The following TBL1XR1 variants were observed in gnomAD, a reference collection of about 807,000 sequenced individuals.
The protein encoded by TBL1XR1 is F-box-like/WD repeat-containing protein TBL1XR1.
In TBL1XR1, 5 loss-of-function variants were observed where a neutral mutation model predicts 66.9. The ratio of observed to expected loss-of-function variants is 0.07; its 90% CI spans 0.04 to 0.16. The LOEUF is 0.16. Among genes scored for constraint, TBL1XR1 ranks in the 10% least tolerant of loss-of-function variants. TBL1XR1 has a pLI of 1.00. For synonymous variants in TBL1XR1, 210 were observed against 206.0 expected (o/e 1.02, Z -0.17); for missense variants, 238 against 623.2 (o/e 0.38, Z 6.58).
rs529302239 is a variant in TBL1XR1 at position 177,051,660 on chromosome 3, C to T, written c.271G>A (p.Val91Ile). ...LSLIDAVMPD[V>I]VQTRQQAYRD... The stretch of plus-strand genomic sequence containing the variant: ...TAAGCTTGTTGTCTTGTTTGTACTA[C>T]ATCAGGCATTACGGCATCTATCAGG... Residue 91 changes from valine to isoleucine, a missense_variant, in exon 5 of 16, where the codon GTA becomes ATA. Transcript: ENST00000457928. 6.2e-7 allele frequency: 1 copy of T among 1,613,306 alleles called. No individual in the cohort carries two copies. The highest frequency in any genetic ancestry group is 2.2e-5 in the East Asian group (1 of 44,816).
At chr3:177,085,279 C>G (rs1219074659) in intron 2 of TBL1XR1, among the ~76,000 whole-genome samples, 3 of 152,154 alleles carry the variant, frequency 2.0e-5, no homozygotes, top group East Asian at 3.8e-4. Context: ...CATACTAACT[C>G]CTGAGAGGCT....
intron 2 of TBL1XR1, among the ~76,000 whole-genome samples, chr3:177,067,252 T>C (rs1420361028): frequency 6.6e-6 from 1 of 152,226 alleles, no homozygotes; most frequent in Non-Finnish European, 1.5e-5. Context: ...AATATGTTTG[T>C]CACGGGGAAC....
chr3:177,110,095 C>A (rs1725374747), intron 1 of TBL1XR1, among the ~76,000 whole-genome samples: 1 of 152,136 alleles, frequency 6.6e-6, no homozygotes, highest in South Asian at 2.1e-4. Context: ...TCCTAGGAGA[C>A]CTATCAGGCA....
intron 1 of TBL1XR1, among the ~76,000 whole-genome samples, chr3:177,167,740 G>A (rs1732994672): frequency 6.6e-6 from 1 of 152,142 alleles, no homozygotes; most frequent in African/African-American, 2.4e-5. Context: ...AGACCAGCCT[G>A]ACTAACATGG....
intron 7 of TBL1XR1, among the ~76,000 whole-genome samples, chr3:177,049,223 G>T (rs553086477): frequency 6.6e-6 from 1 of 152,096 alleles, no homozygotes; most frequent in African/African-American, 2.4e-5. Context: ...GTCCACAAAG[G>T]GTTGTTAAAC....
At chr3:177,069,856 A>AAGGAAGGAAGGAAGGAAG (rs1486024858) in intron 2 of TBL1XR1, among the ~76,000 whole-genome samples, 5 of 115,178 alleles carry the variant, frequency 4.3e-5, no homozygotes, top group African/African-American at 6.7e-5. Context: ...AAGGAAGGAA[A>AAGGAAGGAAGGAAGGAAG]AACAACACAC....
chr3:177,025,936 TAA>T (rs1713058254), intron 15 of TBL1XR1: 1 of 281,634 alleles, frequency 3.6e-6, no homozygotes, highest in African/African-American at 2.3e-5. Flanking sequence ...TGCATTGTTG[TAA>T]AGAGTTGGCT....
At chr3:177,092,039 C>T (rs1414689105) in intron 2 of TBL1XR1, among the ~76,000 whole-genome samples, 1 of 152,110 alleles carries the variant, frequency 6.6e-6, no homozygotes, top group Non-Finnish European at 1.5e-5. Flanking sequence ...AGTAAGTGTC[C>T]TTTATCTAAA....
rs191701213 is a variant in TBL1XR1, at chr3:177,074,327, G to A, written c.-45-9305C>T. On this transcript the variant is annotated intron_variant, in intron 2 of 15. Transcript: ENST00000457928. ...CCTGACTGCATCAATAATTGCTGTGGATATATTAGAAGATATTCAAGCATA... is the reference window on the plus strand; with the variant it reads ...CCTGACTGCATCAATAATTGCTGTGAATATATTAGAAGATATTCAAGCATA... 2.5e-3 allele frequency among the ~76,000 whole-genome samples: 383 copies of A among 152,254 alleles called. 1 individual carries two copies. The highest frequency in any genetic ancestry group is 0.014 in the Middle Eastern group (4 of 294).
At position 177,046,495 on chromosome 3, in the gene TBL1XR1, T is replaced by C. The variant is rs141294957; in HGVS notation, c.865-306A>G. Among the ~76,000 whole-genome samples, 4 of 152,292 alleles carry C rather than the reference T, an allele frequency of 2.6e-5. No homozygotes were observed. In the East Asian group the frequency reaches 7.7e-4, roughly 29 times the overall value. On this transcript the variant is annotated intron_variant, in intron 9 of 15. Transcript: ENST00000457928. ...AACTCCATTGTAATAGTACATTTAA[T>C]GTAAGACTCGTATAGATGTTTAGTA... is the stretch of plus-strand genomic sequence containing the variant.
At position 177,129,270 on chromosome 3, in the gene TBL1XR1, C is replaced by T. The variant is rs192669691; in HGVS notation, c.-121-30729G>A. Among the ~76,000 whole-genome samples, 11 of 152,272 alleles carry T rather than the reference C, an allele frequency of 7.2e-5. No individual in the cohort carries two copies. In the East Asian group the frequency reaches 1.9e-3, roughly 27 times the overall value. On this transcript the variant is annotated intron_variant, in intron 1 of 15. Transcript: ENST00000457928. ...TACAACTCATATCTGAGACAATCAG[C>T]TTCCTTTACATGTAACGAGATCCAG...
intron 2 of TBL1XR1, among the ~76,000 whole-genome samples, chr3:177,070,461 C>A (rs2108562060): frequency 6.6e-6 from 1 of 152,324 alleles, no homozygotes; most frequent in African/African-American, 2.4e-5. Context: ...GGTCATACTT[C>A]TGGTACATAT....
At chr3:177,051,291 C>T (rs944777426) in intron 5 of TBL1XR1, among the ~76,000 whole-genome samples, 1 of 150,630 alleles carries the variant, frequency 6.6e-6, no homozygotes, top group Admixed American at 6.6e-5. Context: ...TGGGACCTTC[C>T]TGGGGGGTGG....
chr3:177,103,288 T>C (rs892442461), intron 1 of TBL1XR1, among the ~76,000 whole-genome samples: 2 of 152,220 alleles, frequency 1.3e-5, no homozygotes, highest in African/African-American at 2.4e-5. Context: ...ACATTATTAG[T>C]GTAAAAACTA....
intron 1 of TBL1XR1, among the ~76,000 whole-genome samples, chr3:177,175,813 C>T (rs916643269): frequency 2.6e-5 from 4 of 152,086 alleles, no homozygotes; most frequent in Non-Finnish European, 4.4e-5. Context: ...AATCCTAGCA[C>T]TTTGGGAGGC....
At chr3:177,042,552 C>T (rs186158227) in intron 10 of TBL1XR1, among the ~76,000 whole-genome samples, 1 of 152,194 alleles carries the variant, frequency 6.6e-6, no homozygotes, top group East Asian at 1.9e-4. Context: ...AAATACAGTG[C>T]TTATAGATTG....
At chr3:177,108,668 T>C (rs1029291897) in intron 1 of TBL1XR1, among the ~76,000 whole-genome samples, 1 of 152,188 alleles carries the variant, frequency 6.6e-6, no homozygotes, top group African/African-American at 2.4e-5. Context: ...AAAAATAGTA[T>C]AGTATTAAAA....
At chr3:177,123,499 A>G (rs1727236425) in intron 1 of TBL1XR1, among the ~76,000 whole-genome samples, 1 of 152,108 alleles carries the variant, frequency 6.6e-6, no homozygotes, top group South Asian at 2.1e-4. Context: ...GAAGAGGCTA[A>G]GCTCAAAAAG....
intron 3 of TBL1XR1, among the ~76,000 whole-genome samples, chr3:177,058,084 G>GA (rs1244432677): frequency 6.6e-6 from 1 of 152,082 alleles, no homozygotes; most frequent in Non-Finnish European, 1.5e-5. Flanking sequence ...TAAGAAAATG[G>GA]ACTCTGAACA....
Sources: gnomAD v4.1 joint callset for allele counts (sites outside exome capture counted in the v4.1 genomes callset) on GRCh38, gnomAD v4.1.1 for gene constraint, MANE v1.5 for transcripts, NCBI Gene and HGNC (gene_info 2026-07-23, HGNC 2026-07-21) for gene names.